Variants in DNAAF9 observed in about 807,000 individuals in gnomAD.
DNAAF9 encodes shulin.
Under a neutral mutation model 167.0 loss-of-function variants are expected in DNAAF9, and 90 were observed. The ratio of observed to expected loss-of-function variants is 0.54; its 90% confidence interval spans 0.45 to 0.64. The LOEUF (loss-of-function observed/expected upper bound fraction) is 0.64. Among genes scored for constraint, DNAAF9 ranks in the 30% least tolerant of loss-of-function variants. The pLI, the probability that DNAAF9 is intolerant of heterozygous loss-of-function variation, is 0.00. For synonymous variants in DNAAF9, 491 were observed against 508.8 expected (o/e 0.96, Z 0.47); for missense variants, 1,315 against 1,442.2 (o/e 0.91, Z 1.43).
intron 6 of DNAAF9, among the ~76,000 whole-genome samples, chr20:3,364,890 CTTCCT>C (rs942904324): frequency 2.7e-4 from 41 of 151,638 alleles, no homozygotes; most frequent in Non-Finnish European, 5.5e-4. Context: ...TTCCCCTCCC[CTTCCT>C]TTCCTTTCCT....
At chr20:3,280,840 C>G (rs537405668) in intron 28 of DNAAF9, among the ~76,000 whole-genome samples, 1 of 151,898 alleles carries the variant, frequency 6.6e-6, no homozygotes, top group South Asian at 2.1e-4. Flanking sequence ...TCTTGAACTC[C>G]GGGGCTCAAG....
At chr20:3,264,145 T>C (rs1209955193) in intron 31 of DNAAF9, among the ~76,000 whole-genome samples, 2 of 152,192 alleles carry the variant, frequency 1.3e-5, no homozygotes, top group Non-Finnish European at 2.9e-5. Context: ...GCCAGGCACT[T>C]TGCCCTCAGT....
chr20:3,407,623 G>T lies in DNAAF9; in HGVS notation c.-66C>A, dbSNP rs2084083966. 8.4e-7 allele frequency: 1 copy of T among 1,194,226 alleles called. No homozygotes were observed. Among genetic ancestry groups the T allele is most frequent in the Non-Finnish European group, 1.0e-6 (1 of 963,770 alleles). 74.0% of individuals were successfully genotyped at this position (1,194,226 alleles called of 1,614,324 possible). On this transcript the variant is annotated 5_prime_UTR_variant, in exon 1 of 37. Transcript: ENST00000252032. Reference sequence around the variant, plus strand: ...CGAGGGTCTCAGTTGCCCGCAGGGCGGCTCCACGCTAGCTGCGGCCGGGCG... The same window carrying T: ...CGAGGGTCTCAGTTGCCCGCAGGGCTGCTCCACGCTAGCTGCGGCCGGGCG...
At chr20:3,313,336 A>G (rs2069446669) in intron 20 of DNAAF9, among the ~76,000 whole-genome samples, 1 of 152,248 alleles carries the variant, frequency 6.6e-6, no homozygotes, top group Admixed American at 6.5e-5. Flanking sequence ...GTATGTGGAT[A>G]GAAAACCAGA....
intron 3 of DNAAF9, among the ~76,000 whole-genome samples, chr20:3,376,937 C>T (rs547572032): frequency 7.9e-4 from 120 of 152,202 alleles, no homozygotes; most frequent in Non-Finnish European, 9.7e-4. Context: ...GGTGTGGTGG[C>T]GCGCACCTGT....
chr20:3,264,784 C>G (rs6139054), intron 30 of DNAAF9, among the ~76,000 whole-genome samples: 38,022 of 152,064 alleles, frequency 0.25, 5,355 homozygotes, highest in African/African-American at 0.37. Flanking sequence ...TGGCCAGGAT[C>G]GTCTCAATCT....
chr20:3,346,289 C>T (rs966356876), intron 8 of DNAAF9, among the ~76,000 whole-genome samples: 6 of 152,102 alleles, frequency 3.9e-5, no homozygotes, highest in Non-Finnish European at 8.8e-5. Context: ...CACCTTTTGA[C>T]CCAGCAATCC....
At chr20:3,376,590 T>G (rs1016756469) in intron 3 of DNAAF9, among the ~76,000 whole-genome samples, 2 of 152,214 alleles carry the variant, frequency 1.3e-5, no homozygotes, top group Non-Finnish European at 2.9e-5. Context: ...CAGCTTGATT[T>G]TAGACTTTTT....
At position 3,376,117 on chromosome 20, in the gene DNAAF9, A is replaced by G. The variant is rs2083571438; in HGVS notation, c.408+61T>C. On this transcript the variant is annotated intron_variant, in intron 4 of 36. Coordinates refer to ENST00000252032, the MANE Select transcript of DNAAF9 (RefSeq NM_001009984.3). ...ATTGCTGATCCTATTTCAGATCAACACTTTCCTTAAAGAGTATTCTTAGAG... is the reference window on the plus strand; with the variant it reads ...ATTGCTGATCCTATTTCAGATCAACGCTTTCCTTAAAGAGTATTCTTAGAG... 4.1e-6 allele frequency: 6 copies of G among 1,466,906 alleles called. No individual in the cohort carries two copies. The Admixed American group carries it at 1.2e-4, about 29-fold the overall frequency. The allele number at this position is 1,466,906 out of a possible 1,614,324, so 90.9% of individuals were successfully genotyped here.
chr20:3,379,983 G>C (rs2083626098), intron 3 of DNAAF9, among the ~76,000 whole-genome samples: 1 of 152,232 alleles, frequency 6.6e-6, no homozygotes, highest in African/African-American at 2.4e-5. Context: ...TCGAACCCAG[G>C]AGGTGGAGGA....
intron 6 of DNAAF9, among the ~76,000 whole-genome samples, chr20:3,365,998 C>T (rs2083428415): frequency 1.3e-5 from 2 of 152,162 alleles, no homozygotes; most frequent in South Asian, 4.1e-4. Flanking sequence ...TGCAGTGACT[C>T]CCTCCACTGA....
intron 20 of DNAAF9, among the ~76,000 whole-genome samples, chr20:3,314,180 A>G (rs79298262): frequency 0.044 from 6,730 of 152,146 alleles, 222 homozygotes; most frequent in African/African-American, 0.094. Flanking sequence ...TTTACATGGG[A>G]CTTAGATGAG....
At chr20:3,283,217 T>C (rs772454970) in intron 27 of DNAAF9, among the ~76,000 whole-genome samples, 1 of 152,248 alleles carries the variant, frequency 6.6e-6, no homozygotes, top group Non-Finnish European at 1.5e-5. Flanking sequence ...GCAGCTTTTC[T>C]GATCAGATGG....
intron 1 of DNAAF9, among the ~76,000 whole-genome samples, chr20:3,386,596 G>GA (rs144826689): frequency 0.04 from 6,090 of 151,872 alleles, 163 homozygotes; most frequent in African/African-American, 0.079. Flanking sequence ...TGATCCATAG[G>GA]GAAAAAAAAT....
chr20:3,366,815 G>C (rs2083438280), intron 6 of DNAAF9, among the ~76,000 whole-genome samples: 1 of 151,748 alleles, frequency 6.6e-6, no homozygotes, highest in African/African-American at 2.4e-5. Context: ...GTCCCAGCTA[G>C]GTGGGAGGCT....
At chr20:3,359,983 T>A (rs2083339202) in intron 6 of DNAAF9, 1 of 156,310 alleles carries the variant, frequency 6.4e-6, no homozygotes, top group African/African-American at 2.4e-5. Flanking sequence ...AATCCCCAAC[T>A]CCAACCTTTC....
chr20:3,253,598 T>A (rs1004286861), intron 36 of DNAAF9, 128 bp downstream of exon 36: 4 of 671,488 alleles, frequency 6.0e-6, no homozygotes, highest in Non-Finnish European at 1.1e-5. Context: ...GACCCATCAG[T>A]GGACATGCAG....
Position 3,280,392 on chromosome 20 carries a change from G to A in DNAAF9, c.2612+1249C>T, listed in dbSNP as rs377536849. On this transcript the variant is annotated intron_variant, in intron 28 of 36. Coordinates refer to ENST00000252032, the MANE Select transcript of DNAAF9 (RefSeq NM_001009984.3). Reference sequence around the variant, plus strand: ...AGCCTGACCAACACAGAGAAACCCCGTCTCTACTAAAAATACAAAAAAATT... The same window carrying A: ...AGCCTGACCAACACAGAGAAACCCCATCTCTACTAAAAATACAAAAAAATT... Among the ~76,000 whole-genome samples the A allele has an allele frequency of 9.9e-5, 15 of 151,772 alleles. 1 individual carries two copies. The highest frequency in any genetic ancestry group is 3.1e-4 in the African/African-American group (13 of 41,342).
Position 3,287,530 on chromosome 20 carries a change from G to C in DNAAF9, c.2486+102C>G, listed in dbSNP as rs533872250. ...TGTAGCGCAGACACTGCTCATGCATGTAGAGTCTGTTCTGTGCTCCAGGTT... is the reference window on the plus strand; with the variant it reads ...TGTAGCGCAGACACTGCTCATGCATCTAGAGTCTGTTCTGTGCTCCAGGTT... On this transcript the variant is annotated intron_variant, in intron 27 of 36. Transcript: ENST00000252032. 235 of 1,101,752 alleles carry C rather than the reference G, an allele frequency of 2.1e-4. No individual in the cohort carries two copies. The African/African-American group carries it at 3.2e-3, about 15-fold the overall frequency. The allele number at this position is 1,101,752 out of a possible 1,614,324, so 68.2% of individuals were successfully genotyped here. A position where few individuals can be genotyped will look rare whatever the true frequency, so the allele number is the denominator to read the frequency against.
Sources: allele counts gnomAD v4.1 joint callset (sites outside exome capture counted in the v4.1 genomes callset), GRCh38; gene constraint gnomAD v4.1.1; transcripts MANE v1.5; gene names NCBI Gene and HGNC (gene_info 2026-07-23, HGNC 2026-07-21).